Variants in PKD1L3 observed in about 807,000 individuals in gnomAD.
The protein encoded by PKD1L3 is polycystin 1 like 3, transient receptor potential channel interacting, also known as polycystin-1-like protein 3.
PKD1L3 carries 239 observed loss-of-function variants against 184.1 expected under a neutral mutation model. That is an observed-to-expected ratio of 1.30 (90% CI 1.17 to 1.45). The LOEUF (loss-of-function observed/expected upper bound fraction) is 1.45, where lower values mean the gene tolerates loss of function less well. Ranked by LOEUF, PKD1L3 falls within the 40% of genes most tolerant of loss-of-function variation. The pLI, the probability that PKD1L3 is intolerant of heterozygous loss-of-function variation, is 0.00. For missense variants in PKD1L3, 2,660 were observed against 2,067.2 expected (o/e 1.29, Z -5.56); for synonymous variants, 996 against 778.8 (o/e 1.28, Z -4.64).
chr16:71,947,940 G>T (rs573916384), intron 21 of PKD1L3, among the ~76,000 whole-genome samples: 3 of 143,520 alleles, frequency 2.1e-5, no homozygotes, highest in East Asian at 2.1e-4. Flanking sequence ...TTTTTGAGAC[G>T]GAGTCTCGCT....
At position 71,945,980 on chromosome 16, in the gene PKD1L3, C is replaced by T. The variant is rs1348093961; in HGVS notation, c.3718+1512G>A. Reference sequence around the variant, plus strand: ...AGGCAATTTATTATTATTTTTGAGACGAAGTTCCGCTCTTGTCACCCAGGC... The same window carrying T: ...AGGCAATTTATTATTATTTTTGAGATGAAGTTCCGCTCTTGTCACCCAGGC... On this transcript the variant is annotated intron_variant, in intron 22 of 29. Transcript: ENST00000620267. Among the ~76,000 whole-genome samples the T allele has an allele frequency of 2.0e-5, 3 of 152,180 alleles. No individual in the cohort carries two copies. The South Asian group carries it at 6.2e-4, about 32-fold the overall frequency.
intron 22 of PKD1L3, among the ~76,000 whole-genome samples, chr16:71,945,615 T>A (rs557889101): frequency 6.6e-6 from 1 of 151,064 alleles, no homozygotes; most frequent in Non-Finnish European, 1.5e-5. Flanking sequence ...GAGGCAGAGG[T>A]TGCAGTGAGC....
chr16:71,980,207 G>A, intron 7 of PKD1L3, 73 bp from the exon 8 acceptor site: 1 of 1,481,662 alleles, frequency 6.7e-7, no homozygotes, highest in Non-Finnish European at 9.1e-7. Flanking sequence ...ATGTTTTGGA[G>A]AAGATTGGAA....
At position 71,991,492 on chromosome 16, in the gene PKD1L3, T is replaced by A. The variant is rs372566609; in HGVS notation, c.536-1163A>T. On this transcript the variant is annotated intron_variant, in intron 3 of 29. Coordinates refer to ENST00000620267, the MANE Select transcript of PKD1L3 (RefSeq NM_181536.2). ...TACTGTAGAAAAATTAAAATCCACA[T>A]GGGAGGGAATACTGAGCAGATGTGG... Among the ~76,000 whole-genome samples the A allele has an allele frequency of 2.9e-3, 437 of 152,200 alleles. 3 individuals are homozygous for A. Among genetic ancestry groups the A allele is most frequent in the African/African-American group, 0.01 (417 of 41,532 alleles).
rs925560522 is a variant in PKD1L3 at position 71,954,302 on chromosome 16, C to T, written c.2613-1G>A. On this transcript the variant is annotated splice_acceptor_variant, in intron 16 of 29. Transcript: ENST00000620267. LOFTEE classifies it high-confidence loss of function. The stretch of plus-strand genomic sequence containing the variant: ...CACAATCATGGAGGAAAACAGATGT[C>T]TGAAAAGAGAAATCAGAAGAGGAAA... 2.0e-6 allele frequency: 3 copies of T among 1,523,976 alleles called. No homozygotes were observed. In the East Asian group the frequency reaches 7.5e-5, roughly 38 times the overall value. 94.4% of individuals were successfully genotyped at this position (1,523,976 alleles called of 1,614,324 possible). A position where few individuals can be genotyped will look rare whatever the true frequency, so the allele number is the denominator to read the frequency against.
chr16:71,980,133 A>T lies in PKD1L3; in HGVS notation c.1145T>A (p.Val382Glu), dbSNP rs1031625997. The T allele has an allele frequency of 1.7e-5, 26 of 1,551,340 alleles. No homozygotes were observed. The highest frequency in any genetic ancestry group is 2.1e-5 in the Non-Finnish European group (24 of 1,146,788). The change falls in exon 8 of 30, where the codon GTA becomes GAA. Residue 382 changes from valine (V) to glutamate (E), a missense_variant and splice_region_variant. Val to Glu is a moderately radical substitution (Grantham distance 121). Coordinates refer to ENST00000620267, the MANE Select transcript of PKD1L3 (RefSeq NM_181536.2). ...WLESKRHTEPVEDILEMSLVE... is the reference protein window; with the variant it reads ...WLESKRHTEPEEDILEMSLVE... The stretch of plus-strand genomic sequence containing the variant: ...CAAGGACATTTCCAGGATGTCTTCT[A>T]CCTGCATGGAAAGGAAAACAGTGTG...
intron 5 of PKD1L3, among the ~76,000 whole-genome samples, chr16:71,985,350 C>T (rs989407494): frequency 6.6e-6 from 1 of 151,932 alleles, no homozygotes; most frequent in Non-Finnish European, 1.5e-5. Flanking sequence ...AAACAGGGCT[C>T]GTTTGAGTTT....
rs2040077883 is a variant in PKD1L3 at position 71,979,823 on chromosome 16, T to A, written c.1361A>T (p.Lys454Met). ...TCCTGGATGTTTATTCAAGAGCTCCTTCAAAGCTAAAGCCGACGGAAAGCC... is the reference window on the plus strand; with the variant it reads ...TCCTGGATGTTTATTCAAGAGCTCCATCAAAGCTAAAGCCGACGGAAAGCC... ...RLGFPSALAL[K>M]ELLNKHPGVN... The change falls in exon 9 of 30, where the codon AAG becomes ATG. Residue 454 changes from lysine (K) to methionine (M), a missense_variant. By Grantham distance (95) the Lys-to-Met change is moderately conservative (BLOSUM62 -1). Transcript: ENST00000620267. 1.3e-6 allele frequency: 2 copies of A among 1,515,188 alleles called. No individual in the cohort carries two copies. Among genetic ancestry groups the A allele is most frequent in the Non-Finnish European group, 1.8e-6 (2 of 1,137,624 alleles). 93.9% of individuals were successfully genotyped at this position (1,515,188 alleles called of 1,614,324 possible).
At chr16:71,933,767 C>T in intron 27 of PKD1L3, 148 bp downstream of exon 27, 1 of 882,538 alleles carries the variant, frequency 1.1e-6, no homozygotes, top group Non-Finnish European at 1.7e-6. Context: ...GGGTTTAAGT[C>T]ATACCAGTTA....
chr16:71,960,378 T>G lies in PKD1L3; in HGVS notation c.2612+2827A>C, dbSNP rs1032592664. Among the ~76,000 whole-genome samples, 9 of 152,152 alleles carry G rather than the reference T, an allele frequency of 5.9e-5. No individual in the cohort carries two copies. In the East Asian group the frequency reaches 9.6e-4, roughly 16 times the overall value. On this transcript the variant is annotated intron_variant, in intron 16 of 29. Coordinates refer to ENST00000620267, the MANE Select transcript of PKD1L3 (RefSeq NM_181536.2). ...GGTTTTTTAAACATCCAGTTATATG[T>G]TGCTTGCAAGACATAACTCTAAGCA...
intron 2 of PKD1L3, among the ~76,000 whole-genome samples, 182 bp downstream of exon 2, chr16:71,998,090 A>T (rs2040855091): frequency 6.6e-6 from 1 of 152,210 alleles, no homozygotes; most frequent in Non-Finnish European, 1.5e-5. Flanking sequence ...GTGGGGATGG[A>T]TCCAAGGAAG....
intron 16 of PKD1L3, among the ~76,000 whole-genome samples, chr16:71,954,755 A>G (rs937516969): frequency 1.3e-5 from 2 of 152,210 alleles, no homozygotes; most frequent in Non-Finnish European, 2.9e-5. Context: ...GCTTAAACAC[A>G]AAATAAACCT....
chr16:71,972,336 G>C (rs1384517830), intron 12 of PKD1L3, among the ~76,000 whole-genome samples: 1 of 152,214 alleles, frequency 6.6e-6, no homozygotes, highest in East Asian at 1.9e-4. Context: ...CGGGGCAGAG[G>C]TTGCGGTGAG....
At chr16:71,936,519 C>CTTTTT (rs397785025) in intron 25 of PKD1L3, among the ~76,000 whole-genome samples, 3 of 123,542 alleles carry the variant, frequency 2.4e-5, no homozygotes, top group Non-Finnish European at 3.3e-5. Flanking sequence ...TTTTTTTTTT[C>CTTTTT]TTTTTTTTTT....
In PKD1L3 at chr16:71,951,563, C is replaced by A. The variant is rs2038835365; in HGVS notation, c.3190+1G>T. On this transcript the variant is annotated splice_donor_variant, in intron 19 of 29. Transcript: ENST00000620267. LOFTEE classifies it high-confidence loss of function. ...CGTTACTGAAATCTACTGAAGTTTA[C>A]CACGTGCCCAGTGGCGCTCTCCCTG... 1 of 1,547,620 alleles carries A rather than the reference C, an allele frequency of 6.5e-7. No individual in the cohort carries two copies. The highest frequency in any genetic ancestry group is 1.4e-5 in the African/African-American group (1 of 73,008).
At position 71,993,237 on chromosome 16, in the gene PKD1L3, C is replaced by A. The variant is rs755079450; in HGVS notation, c.514G>T (p.Ala172Ser). The A allele has an allele frequency of 1.1e-5, 17 of 1,548,724 alleles. No homozygotes were observed. The South Asian group carries it at 2.0e-4, about 19-fold the overall frequency. ...HKKTKRGVAI[A>S]RDKMPPGPGH... ...TTACCTGGGGGCATTTTGTCTCTTGCTATTGCAACTCCTCTTTTTGTCTTC... is the reference window on the plus strand; with the variant it reads ...TTACCTGGGGGCATTTTGTCTCTTGATATTGCAACTCCTCTTTTTGTCTTC... Residue 172 changes from alanine (A) to serine (S), a missense_variant, in exon 3 of 30, where the codon GCA becomes TCA. Physicochemically the swap from Ala to Ser is moderately conservative, Grantham distance 99. Transcript: ENST00000620267.
At chr16:71,991,224 G>A (rs976575241) in intron 3 of PKD1L3, 8 of 225,682 alleles carry the variant, frequency 3.5e-5, no homozygotes, top group South Asian at 2.4e-4. Context: ...GGTTTCATCC[G>A]AATCCACTGG....
In PKD1L3 at chr16:71,951,570, C is replaced by T; in HGVS notation, c.3184G>A (p.Ala1062Thr). 1 of 1,549,724 alleles carries T rather than the reference C, an allele frequency of 6.5e-7. No individual in the cohort carries two copies. Among genetic ancestry groups the T allele is most frequent in the Middle Eastern group, 1.7e-4 (1 of 5,758 alleles). ...GAAATCTACTGAAGTTTACCACGTG[C>T]CCAGTGGCGCTCTCCCTGCTGATGA... ...GCHQQGERHWARVVPENHHHF... is the reference protein window; with the variant it reads ...GCHQQGERHWTRVVPENHHHF... Residue 1062 changes from alanine (A) to threonine (T), a missense_variant, in exon 19 of 30, where the codon GCA (alanine) becomes ACA (threonine). Transcript: ENST00000620267.
At chr16:71,978,514 TATATATACATAC>T (rs1342758114) in intron 9 of PKD1L3, 131 bp from the exon 10 acceptor site, 87 of 173,670 alleles carry the variant, frequency 5.0e-4, no homozygotes, top group Middle Eastern at 2.1e-3. Flanking sequence ...TATATATATA[TATATATACATAC>T]ATACATACAT....
Sources: allele counts gnomAD v4.1 joint callset (sites outside exome capture counted in the v4.1 genomes callset), GRCh38; gene constraint gnomAD v4.1.1; transcripts MANE v1.5; gene names NCBI Gene and HGNC (gene_info 2026-07-23, HGNC 2026-07-21).